DOT1L: variants seen among roughly 807,000 people sequenced by gnomAD.
DOT1L encodes histone-lysine N-methyltransferase, H3 lysine-79 specific.
In DOT1L, 33 loss-of-function variants were observed where a neutral mutation model predicts 153.3. That is an observed-to-expected ratio of 0.22 (90% CI 0.16 to 0.29). The LOEUF (loss-of-function observed/expected upper bound fraction) is 0.29, where lower values mean the gene tolerates loss of function less well. Ranked by LOEUF, DOT1L falls within the 10% of genes least tolerant of loss-of-function variation. The pLI, the probability that DOT1L is intolerant of heterozygous loss-of-function variation, is 1.00. For missense variants in DOT1L, 1,847 were observed against 2,119.9 expected (o/e 0.87, Z 2.53); for synonymous variants, 1,135 against 965.1 (o/e 1.18, Z -3.26).
At chr19:2,213,440 CGT>C in intron 16 of DOT1L, 97 bp from the exon 17 acceptor site, 1 of 1,219,792 alleles carries the variant, frequency 8.2e-7, no homozygotes, top group Non-Finnish European at 1.2e-6. Flanking sequence ...TGTCCTTGAG[CGT>C]GTCTTCAGGA....
At chr19:2,225,524 C>T in intron 26 of DOT1L, 72 bp downstream of exon 26, 1 of 1,491,056 alleles carries the variant, frequency 6.7e-7, no homozygotes, top group Non-Finnish European at 9.4e-7. Context: ...GTGCTGCTGA[C>T]CCACCTGCTG....
chr19:2,180,439 G>A lies in DOT1L; in HGVS notation c.82-274G>A, dbSNP rs974234841. Among the ~76,000 whole-genome samples, 43 of 152,280 alleles carry A rather than the reference G, an allele frequency of 2.8e-4. 1 individual carries two copies. Among genetic ancestry groups the A allele is most frequent in the African/African-American group, 9.6e-4 (40 of 41,550 alleles). On this transcript the variant is annotated intron_variant, in intron 1 of 27. Coordinates refer to ENST00000398665, the MANE Select transcript of DOT1L (RefSeq NM_032482.3). ...TTTAGGGTGGGAGAGGAGCAGGACCGGGGGCCATAGACTCCATCCCAGGCC... is the reference window on the plus strand; with the variant it reads ...TTTAGGGTGGGAGAGGAGCAGGACCAGGGGCCATAGACTCCATCCCAGGCC...
rs1376058686 is a variant in DOT1L at position 2,171,516 on chromosome 19, G to A, written c.81+7251G>A. 2.0e-5 allele frequency among the ~76,000 whole-genome samples: 3 copies of A among 152,180 alleles called. No homozygotes were observed. In the South Asian group the frequency reaches 6.2e-4, roughly 32 times the overall value. On this transcript the variant is annotated intron_variant, in intron 1 of 27. Coordinates refer to ENST00000398665, the MANE Select transcript of DOT1L (RefSeq NM_032482.3). ...GGGGTGGGGGAAGCCCAAGGATGCTGCTCATCACTCACAGAGCTTGGGGCA... is the reference window on the plus strand; with the variant it reads ...GGGGTGGGGGAAGCCCAAGGATGCTACTCATCACTCACAGAGCTTGGGGCA...
chr19:2,224,635 C>A (rs754000811), intron 25 of DOT1L, among the ~76,000 whole-genome samples: 2 of 151,914 alleles, frequency 1.3e-5, no homozygotes, highest in Admixed American at 1.3e-4. Flanking sequence ...GTGCCTCGTT[C>A]GTTTTTTTGT....
In DOT1L at chr19:2,231,751, C is replaced by G. The variant is rs2024607838; in HGVS notation, c.*1959C>G. On this transcript the variant is annotated 3_prime_UTR_variant, in exon 28 of 28. Transcript: ENST00000398665. The stretch of plus-strand genomic sequence containing the variant: ...AGACGGCCGAGTCCCTGGTCTAGAA[C>G]AAGACACATTCTTTAAACACTGTAT... The G allele has an allele frequency of 9.4e-6, 2 of 213,842 alleles. No individual in the cohort carries two copies. Among genetic ancestry groups the G allele is most frequent in the African/African-American group, 4.5e-5 (2 of 44,190 alleles). 13.2% of individuals were successfully genotyped at this position (213,842 alleles called of 1,614,324 possible). A position where few individuals can be genotyped will look rare whatever the true frequency, so the allele number is the denominator to read the frequency against.
chr19:2,226,476 GGC>G lies in DOT1L; in HGVS notation c.3957_3958del (p.Gly1321ProfsTer12). On this transcript the variant is annotated frameshift_variant, in exon 27 of 28. Coordinates refer to ENST00000398665, the MANE Select transcript of DOT1L (RefSeq NM_032482.3). LOFTEE classifies it high-confidence loss of function. ...GTNPANGCTF[G>X]GGLAADLSLH... ...CAACCCTGCCAACGGCTGCACCTTCGGCGGGGGCCTGGCCGCGGACCTGAGTT... is the reference window on the plus strand; with the variant it reads ...CAACCCTGCCAACGGCTGCACCTTCGGGGGGCCTGGCCGCGGACCTGAGTT... 1 of 1,601,228 alleles carries G rather than the reference GGC, an allele frequency of 6.2e-7. No individual in the cohort carries two copies. The highest frequency in any genetic ancestry group is 8.5e-7 in the Non-Finnish European group (1 of 1,179,618).
chr19:2,202,438 A>G (rs1241752186), intron 8 of DOT1L, among the ~76,000 whole-genome samples: 3 of 152,146 alleles, frequency 2.0e-5, no homozygotes, highest in Non-Finnish European at 4.4e-5. Context: ...TTCCCAGATC[A>G]CTGGACTCCA....
At chr19:2,198,368 C>T (rs2023104798) in intron 7 of DOT1L, among the ~76,000 whole-genome samples, 1 of 152,216 alleles carries the variant, frequency 6.6e-6, no homozygotes, top group African/African-American at 2.4e-5. Flanking sequence ...CCCGTCTCCT[C>T]CCCTCCTGGG....
chr19:2,218,666 T>C (rs1405537034), intron 22 of DOT1L, among the ~76,000 whole-genome samples: 3 of 151,864 alleles, frequency 2.0e-5, no homozygotes, highest in Non-Finnish European at 4.4e-5. Flanking sequence ...GTGCTGGGAT[T>C]ACAGGCGTGA....
rs533893788 is a variant in DOT1L at position 2,210,607 on chromosome 19, C to G, written c.1117-14C>G. 5.6e-6 allele frequency: 9 copies of G among 1,610,376 alleles called. No individual in the cohort carries two copies. The East Asian group carries it at 2.0e-4, about 36-fold the overall frequency. ...GCTCTGTGCCCATCCCTGTTCTTCC[C>G]TTGTGTCCTCCAGGACTCTGGTGCT... On this transcript the variant is annotated splice_polypyrimidine_tract_variant and intron_variant, in intron 13 of 27. Transcript: ENST00000398665.
At position 2,193,786 on chromosome 19, in the gene DOT1L, G is replaced by T; in HGVS notation, c.588+3G>T. Reference sequence around the variant, plus strand: ...ACATCCCGGCCAAGTATGCGGAGGTGAGCGGATCTGAGGGCCAGGGTGTGT... The same window carrying T: ...ACATCCCGGCCAAGTATGCGGAGGTTAGCGGATCTGAGGGCCAGGGTGTGT... On this transcript the variant is annotated splice_donor_region_variant and intron_variant, in intron 6 of 27. Coordinates refer to ENST00000398665, the MANE Select transcript of DOT1L (RefSeq NM_032482.3). This position sits in a 1 kb window ranked among gnomAD's most constrained non-coding sequence, Gnocchi z 5.9. 6.2e-7 allele frequency: 1 copy of T among 1,613,318 alleles called. No homozygotes were observed. Among genetic ancestry groups the T allele is most frequent in the South Asian group, 1.1e-5 (1 of 91,044 alleles).
intron 1 of DOT1L, among the ~76,000 whole-genome samples, chr19:2,173,201 G>T (rs540283322): frequency 1.3e-5 from 2 of 151,700 alleles, no homozygotes; most frequent in Non-Finnish European, 1.5e-5. Flanking sequence ...TCCCTGTCAC[G>T]CTGTGGCTTT....
intron 22 of DOT1L, among the ~76,000 whole-genome samples, chr19:2,218,355 C>G (rs905943941): frequency 6.6e-6 from 1 of 152,216 alleles, no homozygotes; most frequent in East Asian, 1.9e-4. Context: ...TTGTGCGCTT[C>G]AAGTATATGC....
intron 1 of DOT1L, among the ~76,000 whole-genome samples, chr19:2,171,003 C>T (rs936840361): frequency 2.6e-5 from 4 of 152,168 alleles, no homozygotes; most frequent in Admixed American, 2.6e-4. Context: ...TGCTTTGTCA[C>T]CCAGGCTGGA....
intron 27 of DOT1L, chr19:2,228,370 C>A (rs768296644): frequency 1.5e-6 from 2 of 1,304,028 alleles, no homozygotes; most frequent in South Asian, 1.3e-5. Context: ...GCTAGCAGTG[C>A]GTATTGTGTA....
intron 7 of DOT1L, among the ~76,000 whole-genome samples, chr19:2,198,134 G>A (rs994975642): frequency 6.6e-6 from 1 of 152,208 alleles, no homozygotes; most frequent in African/African-American, 2.4e-5. Context: ...GTCATGGAGC[G>A]TGGGGGACCC....
At chr19:2,165,141 C>T (rs2019859983) in intron 1 of DOT1L, among the ~76,000 whole-genome samples, 1 of 152,208 alleles carries the variant, frequency 6.6e-6, no homozygotes, top group Non-Finnish European at 1.5e-5. Context: ...GCTTGGGACC[C>T]TCTGGCCACG....
chr19:2,206,166 T>C (rs2023482304), intron 9 of DOT1L, among the ~76,000 whole-genome samples: 1 of 151,942 alleles, frequency 6.6e-6, no homozygotes. Flanking sequence ...CCTGGCTAGT[T>C]TTTGTATTTT....
At chr19:2,227,887 C>T (rs2024423299) in intron 27 of DOT1L, 2 of 1,265,052 alleles carry the variant, frequency 1.6e-6, no homozygotes, top group African/African-American at 1.6e-5. Context: ...GCCCCGGCCT[C>T]GGTTGAGACC....
Sources: gnomAD v4.1 joint callset for allele counts (sites outside exome capture counted in the v4.1 genomes callset) on GRCh38, gnomAD v4.1.1 for gene constraint, Gnocchi (gnomAD v3.1) non-coding constraint, MANE v1.5 for transcripts, NCBI Gene and HGNC (gene_info 2026-07-23, HGNC 2026-07-21) for gene names.